The following CDH12 variants were observed in gnomAD, a reference collection of about 807,000 sequenced individuals.
CDH12 encodes cadherin 12, also known as cadherin-12.
CDH12 carries 41 observed loss-of-function variants against 74.1 expected under a neutral mutation model. The observed-to-expected ratio is 0.55, with a 90% confidence interval of 0.43 to 0.72. The LOEUF is 0.72. CDH12 is among the 30% of genes least tolerant of loss of function. The pLI, the probability that CDH12 is intolerant of heterozygous loss-of-function variation, is 0.00. For synonymous variants in CDH12, 399 were observed against 355.0 expected, an observed-to-expected ratio of 1.12 and a Z score of -1.39; for missense variants, 945 against 977.2, an observed-to-expected ratio of 0.97 and a Z score of 0.44.
chr5:21,856,197 T>C (rs1046287938), intron 6 of CDH12, among the ~76,000 whole-genome samples: 5 of 151,686 alleles, frequency 3.3e-5, no homozygotes, highest in Non-Finnish European at 7.4e-5. Flanking sequence ...CTACCCAGCA[T>C]TGGGTATCTG....
intron 9 of CDH12, among the ~76,000 whole-genome samples, chr5:21,813,479 T>C (rs1320971601): frequency 6.6e-6 from 1 of 151,812 alleles, no homozygotes; most frequent in African/African-American, 2.4e-5. Context: ...AAACTCCATA[T>C]CAAAATAAAT....
chr5:22,552,519 C>T (rs1738618873), intron 1 of CDH12, among the ~76,000 whole-genome samples: 3 of 151,820 alleles, frequency 2.0e-5, no homozygotes, highest in Admixed American at 2.0e-4. Context: ...ACCTCTGCCT[C>T]CTGGGTTCAA....
intron 3 of CDH12, among the ~76,000 whole-genome samples, chr5:22,216,257 T>C (rs537857107): frequency 2.0e-5 from 3 of 152,002 alleles, no homozygotes; most frequent in Non-Finnish European, 4.4e-5. Context: ...AAGAAAAAAT[T>C]ACTCTGAGCT....
intron 5 of CDH12, among the ~76,000 whole-genome samples, chr5:22,062,514 T>A (rs534298071): frequency 9.9e-4 from 151 of 152,252 alleles, no homozygotes; most frequent in African/African-American, 3.4e-3. Flanking sequence ...AAAACGCTTT[T>A]AAAAAGATCT....
intron 4 of CDH12, among the ~76,000 whole-genome samples, chr5:22,176,485 C>G (rs1192758701): frequency 2.0e-5 from 3 of 152,030 alleles, no homozygotes; most frequent in Non-Finnish European, 4.4e-5. Context: ...CCTTCCTCAC[C>G]TAAATAAGCC....
chr5:22,342,836 T>TCTG (rs1554033389), intron 3 of CDH12, among the ~76,000 whole-genome samples: 5 of 148,222 alleles, frequency 3.4e-5, no homozygotes, highest in East Asian at 4.1e-4. Context: ...CTGTCTCTCT[T>TCTG]TCTGTCTGTC....
intron 10 of CDH12, among the ~76,000 whole-genome samples, chr5:21,797,438 C>T (rs1561193138): frequency 1.3e-5 from 2 of 152,016 alleles, no homozygotes; most frequent in South Asian, 2.1e-4. Context: ...TGCCTCATAC[C>T]CCATGTTTCC....
At chr5:21,754,679 CTAGAGA>C (rs1052872016) in intron 14 of CDH12, among the ~76,000 whole-genome samples, 9 of 151,860 alleles carry the variant, frequency 5.9e-5, no homozygotes, top group African/African-American at 1.9e-4. Context: ...TTTTTCTTTC[CTAGAGA>C]TAAAGTCAGG....
At chr5:21,929,403 G>A (rs1754735483) in intron 6 of CDH12, among the ~76,000 whole-genome samples, 1 of 151,110 alleles carries the variant, frequency 6.6e-6, no homozygotes, top group Non-Finnish European at 1.5e-5. Context: ...CAGATCATCA[G>A]GCATTAGATT....
intron 6 of CDH12, among the ~76,000 whole-genome samples, chr5:21,908,873 T>A (rs1753749537): frequency 6.6e-6 from 1 of 152,176 alleles, no homozygotes; most frequent in Non-Finnish European, 1.5e-5. Flanking sequence ...TGTGAATGCT[T>A]GTGAGATCTT....
chr5:21,957,798 A>G (rs1756168784), intron 6 of CDH12, among the ~76,000 whole-genome samples: 1 of 151,894 alleles, frequency 6.6e-6, no homozygotes, highest in Non-Finnish European at 1.5e-5. Flanking sequence ...TAAATTCCTT[A>G]TAGGTGCTGG....
intron 1 of CDH12, among the ~76,000 whole-genome samples, chr5:22,596,628 G>T (rs1222801959): frequency 6.6e-6 from 1 of 152,138 alleles, no homozygotes; most frequent in East Asian, 1.9e-4. Context: ...AAAGTCCAGG[G>T]AAGTGTGATT....
chr5:22,126,420 G>A (rs577184983), intron 4 of CDH12, among the ~76,000 whole-genome samples: 6 of 152,034 alleles, frequency 3.9e-5, no homozygotes, highest in Admixed American at 1.3e-4. Flanking sequence ...ACCTTTCTTC[G>A]GTTTGAGATA....
intron 4 of CDH12, among the ~76,000 whole-genome samples, chr5:22,156,483 A>G (rs1748030063): frequency 2.0e-5 from 3 of 152,160 alleles, no homozygotes; most frequent in Non-Finnish European, 2.9e-5. Flanking sequence ...TTAATACTTT[A>G]TGTAAAATCG....
chr5:21,786,104 C>T (rs139000145), intron 10 of CDH12, among the ~76,000 whole-genome samples: 1 of 152,128 alleles, frequency 6.6e-6, no homozygotes, highest in Non-Finnish European at 1.5e-5. Context: ...TGTTGTCTTA[C>T]AAATGGAACA....
intron 4 of CDH12, among the ~76,000 whole-genome samples, chr5:22,196,900 G>A (rs1218190752): frequency 6.6e-6 from 1 of 152,018 alleles, no homozygotes; most frequent in African/African-American, 2.4e-5. Flanking sequence ...TGGGTCAGTC[G>A]AATTTCTTAA....
At chr5:21,761,188 G>C (rs1052780501) in intron 12 of CDH12, among the ~76,000 whole-genome samples, 3 of 151,936 alleles carry the variant, frequency 2.0e-5, no homozygotes, top group Admixed American at 2.0e-4. Flanking sequence ...TTCTTCATTC[G>C]GTAGGAATAC....
chr5:22,818,019 G>A (rs185351365), intron 1 of CDH12, among the ~76,000 whole-genome samples: 167 of 152,138 alleles, frequency 1.1e-3, no homozygotes, highest in Admixed American at 4.5e-3. Flanking sequence ...TGTGTGGGTC[G>A]TACTTAAAAA....
At chr5:21,899,036 T>G (rs1753261645) in intron 6 of CDH12, among the ~76,000 whole-genome samples, 1 of 152,192 alleles carries the variant, frequency 6.6e-6, no homozygotes, top group Non-Finnish European at 1.5e-5. Context: ...TCTTTCCACC[T>G]CTGTGATTTA....
Sources: gnomAD v4.1 joint callset for allele counts (sites outside exome capture counted in the v4.1 genomes callset) on GRCh38, gnomAD v4.1.1 for gene constraint, MANE v1.5 for transcripts, NCBI Gene and HGNC (gene_info 2026-07-23, HGNC 2026-07-21) for gene names.